The following ATXN1 variants were observed in gnomAD, a reference collection of about 807,000 sequenced individuals.
ATXN1 encodes the protein ataxin 1.
Under a neutral mutation model 56.4 loss-of-function variants are expected in ATXN1, and 8 were observed. The observed-to-expected ratio is 0.14, with a 90% CI of 0.08 to 0.26. The LOEUF is 0.26. Among genes scored for constraint, ATXN1 ranks in the 10% least tolerant of loss-of-function variants. The pLI is 1.00. For missense variants in ATXN1, 987 were observed against 1,106.5 expected (o/e 0.89, Z 1.53); for synonymous variants, 514 against 494.6 (o/e 1.04, Z -0.52).
chr6:16,698,068 C>T (rs559798757), intron 2 of ATXN1, among the ~76,000 whole-genome samples: 1 of 152,280 alleles, frequency 6.6e-6, no homozygotes, highest in African/African-American at 2.4e-5. Flanking sequence ...TCTAATCATC[C>T]CTTCTAATGG....
chr6:16,327,487 G>A lies in ATXN1; in HGVS notation c.824C>T (p.Thr275Met), dbSNP rs771709819. 12 of 1,613,204 alleles carry A rather than the reference G, an allele frequency of 7.4e-6. No homozygotes were observed. Among genetic ancestry groups the A allele is most frequent in the Admixed American group, 5.0e-5 (3 of 59,982 alleles). ...CAGGGTGAGCGTGTGTGGGATCATC[G>A]TCTGGTGGGGGTGGAGGTGGACGGG... is the stretch of plus-strand genomic sequence containing the variant. ...AIPVHLHPHQ[T>M]MIPHTLTLGP... The change falls in exon 7 of 8, where the codon ACG becomes ATG. Residue 275 changes from threonine to methionine, a missense_variant. By Grantham distance (81) the Thr-to-Met change is moderately conservative (BLOSUM62 -1). This residue lies in a region of ATXN1 where 723 missense variants were observed against 791.7 expected (regional missense o/e 0.91). Coordinates refer to ENST00000436367, the MANE Select transcript of ATXN1 (RefSeq NM_001128164.2).
At chr6:16,422,150 C>T (rs144869647) in intron 6 of ATXN1, among the ~76,000 whole-genome samples, 23 of 152,202 alleles carry the variant, frequency 1.5e-4, no homozygotes, top group African/African-American at 4.6e-4. Flanking sequence ...CAACTGTTAT[C>T]CTTCGAGAGG....
chr6:16,617,593 T>A (rs1763237627), intron 3 of ATXN1, among the ~76,000 whole-genome samples: 1 of 151,736 alleles, frequency 6.6e-6, no homozygotes. Context: ...TGAAACCCCG[T>A]CTCTACTAAA....
intron 4 of ATXN1, among the ~76,000 whole-genome samples, chr6:16,562,574 G>A (rs1270274639): frequency 2.0e-5 from 3 of 151,910 alleles, no homozygotes; most frequent in Non-Finnish European, 2.9e-5. Context: ...AGCAGCCACC[G>A]TAGGAAATAC....
At chr6:16,341,521 T>G (rs2113441097) in intron 6 of ATXN1, among the ~76,000 whole-genome samples, 1 of 148,940 alleles carries the variant, frequency 6.7e-6, no homozygotes, top group Non-Finnish European at 1.5e-5. Flanking sequence ...AGGATTTTTT[T>G]TTTTTTTTTT....
At chr6:16,352,687 C>T (rs1295054531) in intron 6 of ATXN1, among the ~76,000 whole-genome samples, 2 of 152,110 alleles carry the variant, frequency 1.3e-5, no homozygotes, top group South Asian at 2.1e-4. Flanking sequence ...ATAGTCCCCG[C>T]CTTATCCATG....
rs1430736201 is a variant in ATXN1, at chr6:16,704,196, T to C, written c.-614-46295A>G. 2.0e-5 allele frequency among the ~76,000 whole-genome samples: 3 copies of C among 152,216 alleles called. No individual in the cohort carries two copies. The East Asian group carries it at 5.8e-4, about 29-fold the overall frequency. ...AGTTAAAAATAAAAAACATGGAATTTATTTTCATTTCCTATCTAATTTGGT... is the reference window on the plus strand; with the variant it reads ...AGTTAAAAATAAAAAACATGGAATTCATTTTCATTTCCTATCTAATTTGGT... On this transcript the variant is annotated intron_variant, in intron 2 of 7. Transcript: ENST00000436367.
chr6:16,563,711 G>C (rs1377539064), intron 4 of ATXN1, among the ~76,000 whole-genome samples: 1 of 152,144 alleles, frequency 6.6e-6, no homozygotes, highest in Non-Finnish European at 1.5e-5. Context: ...AAGCTGAAAT[G>C]AAGGAAAGGT....
intron 5 of ATXN1, among the ~76,000 whole-genome samples, chr6:16,505,853 C>T (rs959302069): frequency 1.3e-5 from 2 of 152,194 alleles, no homozygotes; most frequent in African/African-American, 4.8e-5. Flanking sequence ...AGTGTTGCTT[C>T]ACTTGCCAGA....
At chr6:16,366,385 C>A (rs1220762728) in intron 6 of ATXN1, among the ~76,000 whole-genome samples, 1 of 152,222 alleles carries the variant, frequency 6.6e-6, no homozygotes, top group East Asian at 1.9e-4. Flanking sequence ...CCCTTTGCAA[C>A]AATCAGAAGC....
rs560133398 is a variant in ATXN1, at chr6:16,596,792, TAGA to T, written c.-488-10888_-488-10886del. Among the ~76,000 whole-genome samples the T allele has an allele frequency of 2.6e-5, 4 of 152,192 alleles. No individual in the cohort carries two copies. In the South Asian group the frequency reaches 8.3e-4, roughly 32 times the overall value. ...GAGCCCTTTCCAAAGGCAAGATGGG[TAGA>T]AGGAGAAATCTTCATCAAGGGCTAT... On this transcript the variant is annotated intron_variant, in intron 3 of 7. Transcript: ENST00000436367.
intron 3 of ATXN1, among the ~76,000 whole-genome samples, chr6:16,607,441 C>T (rs945480366): frequency 2.0e-5 from 3 of 152,204 alleles, no homozygotes; most frequent in African/African-American, 7.2e-5. Flanking sequence ...TCATGATCCA[C>T]TTAATTGATA....
At chr6:16,348,365 C>T (rs2113455491) in intron 6 of ATXN1, among the ~76,000 whole-genome samples, 1 of 152,246 alleles carries the variant, frequency 6.6e-6, no homozygotes, top group Admixed American at 6.5e-5. Context: ...GCACCGGGCC[C>T]ATTCAACTTT....
At chr6:16,342,116 T>C (rs1226684322) in intron 6 of ATXN1, among the ~76,000 whole-genome samples, 1 of 151,520 alleles carries the variant, frequency 6.6e-6, no homozygotes, top group African/African-American at 2.4e-5. Context: ...ACTCCTGACC[T>C]GAGCGATCCA....
Position 16,303,147 on chromosome 6 carries a change from G to A in ATXN1, c.*3182C>T, listed in dbSNP as rs1008693459. 2.0e-5 allele frequency: 3 copies of A among 152,922 alleles called. No individual in the cohort carries two copies. Among genetic ancestry groups the A allele is most frequent in the African/African-American group, 7.2e-5 (3 of 41,474 alleles). 9.5% of individuals were successfully genotyped at this position (152,922 alleles called of 1,614,324 possible). A position where few individuals can be genotyped will look rare whatever the true frequency, so the allele number is the denominator to read the frequency against. ...CAAGTCTCAAGGACACAGACCCCGA[G>A]GAGGGGCCTGCCCACTTGCAGAAAA... On this transcript the variant is annotated 3_prime_UTR_variant, in exon 8 of 8. Coordinates refer to ENST00000436367, the MANE Select transcript of ATXN1 (RefSeq NM_001128164.2). The surrounding 1 kb of genome is among the most constrained non-coding windows in gnomAD (Gnocchi z 4.3).
intron 6 of ATXN1, among the ~76,000 whole-genome samples, chr6:16,355,316 C>T (rs980887796): frequency 1.3e-4 from 20 of 152,352 alleles, no homozygotes; most frequent in East Asian, 5.8e-4. Context: ...TCCAATTTTA[C>T]GGAAAACTGC....
chr6:16,449,399 C>G (rs1158186457), intron 6 of ATXN1, among the ~76,000 whole-genome samples: 1 of 152,132 alleles, frequency 6.6e-6, no homozygotes, highest in Non-Finnish European at 1.5e-5. Flanking sequence ...GAGATTAAAT[C>G]TAAAGTTCAA....
chr6:16,419,846 T>A (rs527955502), intron 6 of ATXN1, among the ~76,000 whole-genome samples: 1 of 152,284 alleles, frequency 6.6e-6, no homozygotes, highest in African/African-American at 2.4e-5. Flanking sequence ...GCAGAGTCCA[T>A]CCTTCTACTC....
intron 4 of ATXN1, among the ~76,000 whole-genome samples, chr6:16,573,824 T>C (rs760549104): frequency 9.9e-5 from 15 of 152,084 alleles, no homozygotes; most frequent in South Asian, 6.2e-4. Flanking sequence ...CCTCCACCCA[T>C]CATCACTACA....
Sources: gnomAD v4.1 joint callset for allele counts (sites outside exome capture counted in the v4.1 genomes callset) on GRCh38, gnomAD v4.1.1 for gene constraint, gnomAD v4.1.1 regional missense constraint, Gnocchi (gnomAD v3.1) non-coding constraint, MANE v1.5 for transcripts, NCBI Gene and HGNC (gene_info 2026-07-23, HGNC 2026-07-21) for gene names.